ZNF623: variants seen among roughly 807,000 people sequenced by gnomAD.
The protein encoded by ZNF623 is zinc finger protein 623.
ZNF623 carries 16 observed loss-of-function variants against 24.0 expected under a neutral mutation model. The observed-to-expected ratio is 0.67, with a 90% CI of 0.45 to 1.01. The LOEUF is 1.01. Ranked by LOEUF, ZNF623 falls within the 50% of genes least tolerant of loss-of-function variation. The probability of loss-of-function intolerance (pLI) is 0.00; values close to 1 mark genes in which losing one functional copy is unlikely to be tolerated. For synonymous variants in ZNF623, 224 were observed against 219.8 expected (o/e 1.02, Z -0.17); for missense variants, 566 against 606.5 (o/e 0.93, Z 0.70).
intron 1 of ZNF623, among the ~76,000 whole-genome samples, chr8:143,640,869 A>G (rs1252984756): frequency 7.8e-6 from 1 of 127,628 alleles, no homozygotes; most frequent in African/African-American, 3.0e-5. Flanking sequence ...TGAACCCGGG[A>G]GGTGGAGGTT....
intron 1 of ZNF623, among the ~76,000 whole-genome samples, chr8:143,649,502 G>A (rs1281897657): frequency 6.6e-6 from 1 of 152,120 alleles, no homozygotes; most frequent in African/African-American, 2.4e-5. Context: ...GGGAGAAGAG[G>A]ACATGAAGGA....
At chr8:143,648,378 C>T (rs556484145) in intron 1 of ZNF623, among the ~76,000 whole-genome samples, 47 of 152,066 alleles carry the variant, frequency 3.1e-4, no homozygotes, top group African/African-American at 1.1e-3. Flanking sequence ...CATAGCTGAC[C>T]CCTGATATGG....
intron 1 of ZNF623, chr8:143,636,424 C>T (rs1814923907): frequency 6.6e-6 from 1 of 152,386 alleles, no homozygotes; most frequent in Non-Finnish European, 1.5e-5. Flanking sequence ...GTGTGGGTAC[C>T]CCTGGTTCCC....
At chr8:143,642,629 G>A (rs571064584) in intron 1 of ZNF623, among the ~76,000 whole-genome samples, 44 of 152,254 alleles carry the variant, frequency 2.9e-4, no homozygotes, top group African/African-American at 8.4e-4. Flanking sequence ...CTCCTTTCAC[G>A]TGAGAGGCCA....
At chr8:143,649,028 A>G (rs1045407706) in intron 1 of ZNF623, among the ~76,000 whole-genome samples, 2 of 152,082 alleles carry the variant, frequency 1.3e-5, no homozygotes, top group African/African-American at 4.8e-5. Flanking sequence ...CTGTAATCCC[A>G]GCAGTTTGGG....
At position 143,650,406 on chromosome 8, in the gene ZNF623, C is replaced by G; in HGVS notation, c.414C>G (p.Leu138=). The part of the protein sequence containing the change: ...EHQRIHTGER[L]YVCNVCGKDF... ...AGAGAATTCACACTGGAGAGAGACT[C>G]TACGTCTGTAATGTGTGTGGGAAAG... The change falls in exon 2 of 2, where the codon CTC becomes CTG. Residue 138 remains leucine (L), a synonymous_variant. Coordinates refer to ENST00000526926, the MANE Select transcript of ZNF623 (RefSeq NM_001261843.2). The surrounding 1 kb of genome is among the most constrained non-coding windows in gnomAD (Gnocchi z 5.2). 2 of 1,614,114 alleles carry G rather than the reference C, an allele frequency of 1.2e-6. No homozygotes were observed. The highest frequency in any genetic ancestry group is 8.5e-7 in the Non-Finnish European group (1 of 1,180,020).
chr8:143,649,043 C>T lies in ZNF623; in HGVS notation c.-95-855C>T, dbSNP rs143478938. ...CTGTAATCCCAGCAGTTTGGGAGGC[C>T]GAGGCGGGCAGATCACGAGGTCAGG... On this transcript the variant is annotated intron_variant, in intron 1 of 1. Coordinates refer to ENST00000526926, the MANE Select transcript of ZNF623 (RefSeq NM_001261843.2). Among the ~76,000 whole-genome samples, 342 of 151,938 alleles carry T rather than the reference C, an allele frequency of 2.3e-3. 1 individual carries two copies. Among genetic ancestry groups the T allele is most frequent in the African/African-American group, 7.8e-3 (322 of 41,412 alleles).
At chr8:143,646,868 C>T (rs144877816) in intron 1 of ZNF623, among the ~76,000 whole-genome samples, 2 of 152,102 alleles carry the variant, frequency 1.3e-5, no homozygotes, top group African/African-American at 4.8e-5. Context: ...ATCTTTCTAC[C>T]TTGCCCAGGC....
At chr8:143,640,941 TAAAAA>T (rs57279986) in intron 1 of ZNF623, among the ~76,000 whole-genome samples, 5 of 65,546 alleles carry the variant, frequency 7.6e-5, no homozygotes, top group Non-Finnish European at 5.6e-5. Context: ...ACTCTGTCTT[TAAAAA>T]AAAAAAAAAA....
chr8:143,650,065 G>C lies in ZNF623; in HGVS notation c.73G>C (p.Gly25Arg), dbSNP rs1333653590. ...AGGGGAGCTCTTGGGAAATCCAGAA[G>C]GTCAGAGCCTGGGGAGTTCCCCCTC... ...RLGELLGNPE[G>R]QSLGSSPSQD... Residue 25 changes from glycine (G) to arginine (R), a missense_variant, in exon 2 of 2, where the codon GGT becomes CGT. Physicochemically the swap from Gly to Arg is moderately radical, Grantham distance 125. Around this residue, in one of 3 missense-constraint regions of ZNF623, gnomAD observed 313 missense variants for 300.4 expected, o/e 1.04. Coordinates refer to ENST00000526926, the MANE Select transcript of ZNF623 (RefSeq NM_001261843.2). This position sits in a 1 kb window ranked among gnomAD's most constrained non-coding sequence, Gnocchi z 5.2. The C allele has an allele frequency of 1.2e-6, 2 of 1,614,016 alleles. No individual in the cohort carries two copies. Among genetic ancestry groups the C allele is most frequent in the Admixed American group, 3.3e-5 (2 of 60,002 alleles).
Position 143,653,223 on chromosome 8 carries a change from T to A in ZNF623, c.*1740T>A, listed in dbSNP as rs1815379939. 6.0e-6 allele frequency: 1 copy of A among 167,132 alleles called. No homozygotes were observed. Among genetic ancestry groups the A allele is most frequent in the Non-Finnish European group, 1.5e-5 (1 of 68,128 alleles). 10.4% of individuals were successfully genotyped at this position (167,132 alleles called of 1,614,324 possible). Reference sequence around the variant, plus strand: ...AACTGTTAGTCTTTACCTCTGAATTTCATCTGGACATGAACCCCAAAGTCC... The same window carrying A: ...AACTGTTAGTCTTTACCTCTGAATTACATCTGGACATGAACCCCAAAGTCC... On this transcript the variant is annotated 3_prime_UTR_variant, in exon 2 of 2. Coordinates refer to ENST00000526926, the MANE Select transcript of ZNF623 (RefSeq NM_001261843.2).
In ZNF623 at chr8:143,651,713, C is replaced by T. The variant is rs1815328715; in HGVS notation, c.*230C>T. ...CTTGACACCTGACTCTGAGCTGGAA[C>T]AGTAGGGGCAGGGAGAAGACAGGTC... is the stretch of plus-strand genomic sequence containing the variant. On this transcript the variant is annotated 3_prime_UTR_variant, in exon 2 of 2. Coordinates refer to ENST00000526926, the MANE Select transcript of ZNF623 (RefSeq NM_001261843.2). 1.8e-5 allele frequency: 9 copies of T among 494,552 alleles called. No individual in the cohort carries two copies. In the Admixed American group the frequency reaches 2.3e-4, roughly 12 times the overall value. The allele number at this position is 494,552 out of a possible 1,614,324, so 30.6% of individuals were successfully genotyped here.
chr8:143,642,943 G>C (rs1361677760), intron 1 of ZNF623, among the ~76,000 whole-genome samples: 1 of 152,150 alleles, frequency 6.6e-6, no homozygotes, highest in Non-Finnish European at 1.5e-5. Context: ...CACTCATCTG[G>C]TACTGTCATG....
chr8:143,637,229 C>T (rs1814945689), intron 1 of ZNF623, among the ~76,000 whole-genome samples: 1 of 152,204 alleles, frequency 6.6e-6, no homozygotes, highest in Non-Finnish European at 1.5e-5. Flanking sequence ...CCAGTAGGCC[C>T]CTTGGTGTGG....
rs370358100 is a variant in ZNF623 at position 143,651,413 on chromosome 8, C to T, written c.1421C>T (p.Ser474Phe). 4.3e-6 allele frequency: 7 copies of T among 1,613,308 alleles called. No individual in the cohort carries two copies. The highest frequency in any genetic ancestry group is 2.7e-5 in the African/African-American group (2 of 74,880). ...CAAAGGGTTCACCAAGAGGGACTCT[C>T]CTTGAGTAAGGCCCCCATACATTTG... is the stretch of plus-strand genomic sequence containing the variant. ...NNQRVHQEGL[S>F]LSKAPIHLGE... is the part of the protein sequence containing the mutation. The change falls in exon 2 of 2, where the codon TCC (serine) becomes TTC (phenylalanine). Residue 474 changes from serine (S) to phenylalanine (F), a missense_variant. Physicochemically the swap from Ser to Phe is radical, Grantham distance 155. Transcript: ENST00000526926.
chr8:143,643,896 C>T (rs1357628954), intron 1 of ZNF623, among the ~76,000 whole-genome samples: 1 of 152,204 alleles, frequency 6.6e-6, no homozygotes, highest in Non-Finnish European at 1.5e-5. Flanking sequence ...GCTAAGAACA[C>T]TCTAGCTACA....
At chr8:143,647,389 C>G (rs1815200766) in intron 1 of ZNF623, among the ~76,000 whole-genome samples, 1 of 152,036 alleles carries the variant, frequency 6.6e-6, no homozygotes, top group Admixed American at 6.6e-5. Context: ...GTCTCGATCT[C>G]CTGACCTCGT....
intron 1 of ZNF623, among the ~76,000 whole-genome samples, chr8:143,644,362 G>C (rs1317002931): frequency 6.6e-6 from 1 of 152,138 alleles, no homozygotes; most frequent in Non-Finnish European, 1.5e-5. Context: ...TTTATTTACT[G>C]GCTTCTGGGC....
intron 1 of ZNF623, among the ~76,000 whole-genome samples, chr8:143,647,242 G>A (rs1043219299): frequency 3.1e-4 from 47 of 152,098 alleles, no homozygotes; most frequent in Admixed American, 2.0e-4. Flanking sequence ...CTCACTGCAA[G>A]CTCCGCCTCC....
Sources: allele counts gnomAD v4.1 joint callset (sites outside exome capture counted in the v4.1 genomes callset), GRCh38; gene constraint gnomAD v4.1.1; regional missense constraint gnomAD v4.1.1; non-coding constraint Gnocchi (gnomAD v3.1); transcripts MANE v1.5; gene names NCBI Gene and HGNC (gene_info 2026-07-23, HGNC 2026-07-21).